The following MTMR3 variants were observed in gnomAD, a reference collection of about 807,000 sequenced individuals.
The protein encoded by MTMR3 is phosphatidylinositol-3,5-bisphosphate 3-phosphatase MTMR3.
In MTMR3, 32 loss-of-function variants were observed where a neutral mutation model predicts 132.4. That is an observed-to-expected ratio of 0.24 (90% CI 0.18 to 0.32). The LOEUF (loss-of-function observed/expected upper bound fraction) is 0.32, where lower values mean the gene tolerates loss of function less well. MTMR3 is among the 10% of genes least tolerant of loss of function. The pLI is 1.00. For synonymous variants in MTMR3, 556 were observed against 550.3 expected (o/e 1.01, Z -0.14); for missense variants, 1,216 against 1,489.6 (o/e 0.82, Z 3.02).
rs1398799175 is a variant in MTMR3 at position 30,017,996 on chromosome 22, C to T, written c.1744C>T (p.Pro582Ser). The T allele has an allele frequency of 6.2e-7, 1 of 1,613,958 alleles. No homozygotes were observed. Among genetic ancestry groups the T allele is most frequent in the East Asian group, 2.2e-5 (1 of 44,864 alleles). ...WSAVYLPCPSPTTPVDDSCAP... is the reference protein window; with the variant it reads ...WSAVYLPCPSSTTPVDDSCAP... ...TGCAGTGTACCTGCCCTGCCCATCC[C>T]CAACCACCCCTGTGGACGACAGCTG... The change falls in exon 16 of 20, where the codon CCA becomes TCA. Residue 582 changes from proline to serine, a missense_variant. Around this residue, in one of 7 missense-constraint regions of MTMR3, gnomAD observed 852 missense variants for 852.0 expected, o/e 1.00. Coordinates refer to ENST00000401950, the MANE Select transcript of MTMR3 (RefSeq NM_021090.4).
intron 19 of MTMR3, chr22:30,023,304 C>A (rs901946560): frequency 2.7e-6 from 2 of 736,710 alleles, no homozygotes; most frequent in Non-Finnish European, 4.8e-6. Flanking sequence ...TGAATCATGC[C>A]ATAGCTCACC....
In MTMR3 at chr22:29,889,178, T is replaced by C. The variant is rs141889014; in HGVS notation, c.-138+5819T>C. On this transcript the variant is annotated intron_variant, in intron 1 of 19. Transcript: ENST00000401950. The stretch of plus-strand genomic sequence containing the variant: ...AAATGACATGGGAAGGCAGAGTGTT[T>C]ATAAAGAGTTTTGGAAGTGATATAG... 4.5e-3 allele frequency among the ~76,000 whole-genome samples: 678 copies of C among 152,214 alleles called. 6 individuals are homozygous for C. The highest frequency in any genetic ancestry group is 0.015 in the African/African-American group (641 of 41,544).
intron 7 of MTMR3, chr22:29,995,773 A>G (rs917081760): frequency 6.6e-6 from 1 of 152,196 alleles, no homozygotes; most frequent in Non-Finnish European, 1.5e-5. Context: ...GAATCCAGCA[A>G]TAGATCTGTT....
At chr22:30,010,770 C>A (rs1007991604) in intron 12 of MTMR3, 10 of 152,186 alleles carry the variant, frequency 6.6e-5, no homozygotes, top group Admixed American at 3.3e-4. Context: ...TAAGCCTTAT[C>A]TTTTAGTTCC....
Position 30,019,938 on chromosome 22 carries a change from T to A in MTMR3, c.2279T>A (p.Leu760Gln). 6.2e-7 allele frequency: 1 copy of A among 1,614,228 alleles called. No individual in the cohort carries two copies. ...LRSHLDMSWPLFSQGISEQQS... is the reference protein window; with the variant it reads ...LRSHLDMSWPQFSQGISEQQS... ...AGCCATCTGGATATGAGCTGGCCTC[T>A]GTTCTCACAGGGCATTTCTGAACAG... The change falls in exon 17 of 20, where the codon CTG (leucine) becomes CAG (glutamine). Residue 760 changes from leucine (L) to glutamine (Q), a missense_variant. Physicochemically the swap from Leu to Gln is moderately radical, Grantham distance 113. Around this residue, in one of 7 missense-constraint regions of MTMR3, gnomAD observed 852 missense variants for 852.0 expected, o/e 1.00. Coordinates refer to ENST00000401950, the MANE Select transcript of MTMR3 (RefSeq NM_021090.4).
At chr22:29,975,889 AGCC>A (rs772207221) in intron 3 of MTMR3, among the ~76,000 whole-genome samples, 1 of 152,242 alleles carries the variant, frequency 6.6e-6, no homozygotes. Flanking sequence ...TACAGGCATG[AGCC>A]GTGTACCTGG....
At chr22:29,967,861 G>A (rs1275386220) in intron 2 of MTMR3, among the ~76,000 whole-genome samples, 15 of 151,636 alleles carry the variant, frequency 9.9e-5, no homozygotes. Flanking sequence ...TCATCTATGT[G>A]TGTCATGTAT....
At chr22:29,942,298 G>A (rs139732054) in intron 1 of MTMR3, among the ~76,000 whole-genome samples, 1 of 152,286 alleles carries the variant, frequency 6.6e-6, no homozygotes, top group East Asian at 1.9e-4. Context: ...GAGAGGGAGT[G>A]TACGAATAGG....
intron 2 of MTMR3, among the ~76,000 whole-genome samples, chr22:29,966,122 T>A (rs1602583593): frequency 6.6e-6 from 1 of 152,234 alleles, no homozygotes; most frequent in East Asian, 1.9e-4. Flanking sequence ...TCATGACCCA[T>A]CTTGTTTCAG....
chr22:30,023,761 A>AG, intron 19 of MTMR3: 1 of 459,928 alleles, frequency 2.2e-6, no homozygotes. Context: ...CTGGTCTTGT[A>AG]GGGGAACCAG....
At chr22:29,995,524 C>G (rs1378993420) in intron 7 of MTMR3, 4 of 152,096 alleles carry the variant, frequency 2.6e-5, no homozygotes, top group Non-Finnish European at 5.9e-5. Flanking sequence ...AACTTCATTG[C>G]TTTTAAAAAG....
At chr22:29,991,444 T>A in intron 6 of MTMR3, 60 bp from the exon 7 acceptor site, 1 of 1,496,834 alleles carries the variant, frequency 6.7e-7, no homozygotes, top group Non-Finnish European at 8.9e-7. Flanking sequence ...TAATGGCTTT[T>A]CTTACATTTC....
intron 1 of MTMR3, among the ~76,000 whole-genome samples, chr22:29,954,291 T>C (rs1448790673): frequency 2.0e-5 from 3 of 151,792 alleles, no homozygotes; most frequent in Admixed American, 1.3e-4. Context: ...TTTGTAGAGA[T>C]GGGGGTATTT....
At chr22:29,924,956 A>G (rs2065485786) in intron 1 of MTMR3, among the ~76,000 whole-genome samples, 3 of 152,336 alleles carry the variant, frequency 2.0e-5, no homozygotes, top group Middle Eastern at 6.8e-3. Flanking sequence ...ACTAATATTG[A>G]TAATAGATAT....
At chr22:29,948,645 G>T (rs2065996170) in intron 1 of MTMR3, among the ~76,000 whole-genome samples, 1 of 152,154 alleles carries the variant, frequency 6.6e-6, no homozygotes, top group Non-Finnish European at 1.5e-5. Context: ...ACTGTGAAGG[G>T]AGAGGGATAA....
chr22:29,984,753 G>A (rs760820033), intron 5 of MTMR3: 1 of 152,206 alleles, frequency 6.6e-6, no homozygotes, highest in Non-Finnish European at 1.5e-5. Context: ...TTTTACAAAA[G>A]GAATTGCATC....
At chr22:29,939,577 A>C (rs367605708) in intron 1 of MTMR3, among the ~76,000 whole-genome samples, 16 of 152,314 alleles carry the variant, frequency 1.1e-4, no homozygotes, top group South Asian at 4.1e-4. Context: ...TAGAGTCACT[A>C]ATGTTTTAGT....
chr22:29,951,077 G>T (rs984112755), intron 1 of MTMR3, among the ~76,000 whole-genome samples: 1 of 152,064 alleles, frequency 6.6e-6, no homozygotes, highest in Non-Finnish European at 1.5e-5. Flanking sequence ...CTTGAACCCA[G>T]GAGGCAGAGG....
chr22:29,909,906 A>T (rs1359000952), intron 1 of MTMR3, among the ~76,000 whole-genome samples: 1 of 150,192 alleles, frequency 6.7e-6, no homozygotes, highest in Admixed American at 6.6e-5. Context: ...CTGTAATCCC[A>T]GCACTTTGGG....
Sources: allele counts gnomAD v4.1 joint callset (sites outside exome capture counted in the v4.1 genomes callset), GRCh38; gene constraint gnomAD v4.1.1; regional missense constraint gnomAD v4.1.1; transcripts MANE v1.5; gene names NCBI Gene and HGNC (gene_info 2026-07-23, HGNC 2026-07-21).